Variants in AK8 observed in about 807,000 individuals in gnomAD.
AK8 encodes adenylate kinase 8.
In AK8, 44 loss-of-function variants were observed where a neutral mutation model predicts 54.6. The observed-to-expected ratio is 0.81, with a 90% CI of 0.63 to 1.04. The LOEUF (loss-of-function observed/expected upper bound fraction) is 1.04. AK8 is among the 50% of genes least tolerant of loss of function. AK8 has a pLI of 0.00. For missense variants in AK8, 555 were observed against 613.6 expected, an observed-to-expected ratio of 0.90 and a Z score of 1.01; for synonymous variants, 239 against 245.6, an observed-to-expected ratio of 0.97 and a Z score of 0.25.
chr9:132,871,600 A>C (rs1588241840), intron 2 of AK8, among the ~76,000 whole-genome samples: 1 of 151,728 alleles, frequency 6.6e-6, no homozygotes, highest in Non-Finnish European at 1.5e-5. Context: ...AGGAGGACAG[A>C]CCCCCCCGGC....
chr9:132,823,776 C>A (rs753764639), intron 8 of AK8, among the ~76,000 whole-genome samples: 11 of 152,222 alleles, frequency 7.2e-5, no homozygotes, highest in Non-Finnish European at 1.6e-4. Context: ...TAGAAGTGCA[C>A]GCTGGCTTTC....
intron 11 of AK8, among the ~76,000 whole-genome samples, chr9:132,754,803 T>G (rs1838108780): frequency 2.6e-5 from 4 of 151,304 alleles, no homozygotes; most frequent in Admixed American, 6.6e-5. Context: ...TTTTTTGGTT[T>G]TTTTTTTTTT....
intron 11 of AK8, among the ~76,000 whole-genome samples, chr9:132,789,845 C>T (rs547492372): frequency 6.6e-6 from 1 of 152,222 alleles, no homozygotes; most frequent in Admixed American, 6.5e-5. Context: ...TCTCTGACTT[C>T]CTCTTCTGCC....
At chr9:132,743,792 C>G (rs1837506748) in intron 11 of AK8, among the ~76,000 whole-genome samples, 1 of 152,210 alleles carries the variant, frequency 6.6e-6, no homozygotes, top group Admixed American at 6.5e-5. Flanking sequence ...GTACACGACC[C>G]CGGTACTGTG....
At chr9:132,788,059 A>G (rs1839790501) in intron 11 of AK8, among the ~76,000 whole-genome samples, 1 of 152,176 alleles carries the variant, frequency 6.6e-6, no homozygotes, top group African/African-American at 2.4e-5. Flanking sequence ...TGAAACTGAC[A>G]GATTACACAA....
At chr9:132,762,905 G>A (rs1056456975) in intron 11 of AK8, among the ~76,000 whole-genome samples, 1 of 152,128 alleles carries the variant, frequency 6.6e-6, no homozygotes, top group African/African-American at 2.4e-5. Context: ...AAAGAAAAAG[G>A]AAGGAAACAA....
At chr9:132,848,533 G>A (rs1564436813) in intron 5 of AK8, among the ~76,000 whole-genome samples, 1 of 152,078 alleles carries the variant, frequency 6.6e-6, no homozygotes, top group Non-Finnish European at 1.5e-5. Flanking sequence ...AGCCTAAGAC[G>A]GCCCCTCCAC....
intron 11 of AK8, among the ~76,000 whole-genome samples, chr9:132,729,349 C>A (rs1419727034): frequency 2.0e-5 from 3 of 152,156 alleles, no homozygotes; most frequent in Admixed American, 2.0e-4. Flanking sequence ...AATGATCTGG[C>A]CCCAAATGTC....
intron 11 of AK8, among the ~76,000 whole-genome samples, chr9:132,786,076 C>T (rs1220009230): frequency 6.6e-6 from 1 of 152,194 alleles, no homozygotes; most frequent in Non-Finnish European, 1.5e-5. Context: ...CGAGCTGAGG[C>T]GGCCTCAGAA....
intron 10 of AK8, among the ~76,000 whole-genome samples, chr9:132,807,611 C>A (rs1840783888): frequency 6.6e-6 from 1 of 152,134 alleles, no homozygotes; most frequent in Non-Finnish European, 1.5e-5. Context: ...GGCCCGGCAA[C>A]CTGGAAGTAG....
At chr9:132,779,082 G>A (rs1237347208) in intron 11 of AK8, among the ~76,000 whole-genome samples, 7 of 152,114 alleles carry the variant, frequency 4.6e-5, no homozygotes, top group Non-Finnish European at 1.0e-4. Context: ...AGGAAAGCAA[G>A]CAGGTCACCA....
In AK8 at chr9:132,863,692, T is replaced by G. The variant is rs1185994464; in HGVS notation, c.306A>C (p.Glu102Asp). 6.2e-7 allele frequency: 1 copy of G among 1,613,902 alleles called. No homozygotes were observed. Among genetic ancestry groups the G allele is most frequent in the South Asian group, 1.1e-5 (1 of 91,058 alleles). ...ILNEFSYTAT[E>D]ARRLYLQRKT... The stretch of plus-strand genomic sequence containing the variant: ...TCCTTTGCAGATAAAGCCTTCTGGC[T>G]TCGGTGGCCGTATAGGAAAACTCAT... The change falls in exon 4 of 13, where the codon GAA becomes GAC. Residue 102 changes from glutamate to aspartate, a missense_variant. By Grantham distance (45) the Glu-to-Asp change is conservative (BLOSUM62 2). Transcript: ENST00000298545.
intron 11 of AK8, chr9:132,769,963 T>C (rs1838886166): frequency 6.6e-6 from 1 of 152,186 alleles, no homozygotes; most frequent in South Asian, 2.1e-4. Context: ...TTAGACACGA[T>C]TTCCTCCATT....
At chr9:132,857,834 A>T (rs1264374452) in intron 4 of AK8, among the ~76,000 whole-genome samples, 1 of 151,994 alleles carries the variant, frequency 6.6e-6, no homozygotes, top group African/African-American at 2.4e-5. Flanking sequence ...GCTACTCCTG[A>T]GCGCCCCCCG....
chr9:132,736,487 C>T (rs1327452035), intron 11 of AK8, among the ~76,000 whole-genome samples: 4 of 149,310 alleles, frequency 2.7e-5, no homozygotes, highest in Non-Finnish European at 5.9e-5. Flanking sequence ...TGTGCCTGGC[C>T]AATCAGTCTT....
intron 10 of AK8, among the ~76,000 whole-genome samples, chr9:132,806,275 A>C (rs1220984289): frequency 6.6e-6 from 1 of 152,096 alleles, no homozygotes; most frequent in Non-Finnish European, 1.5e-5. Context: ...AGCTCTTCCC[A>C]ACTTATCTTC....
intron 10 of AK8, 101 bp from the exon 11 acceptor site, chr9:132,792,876 G>T: frequency 7.1e-7 from 1 of 1,406,210 alleles, no homozygotes. Context: ...CTGAAGAAGT[G>T]GGTCTAGGTG....
At position 132,770,357 on chromosome 9, in the gene AK8, A is replaced by T. The variant is rs1341848588; in HGVS notation, c.1121+22277T>A. 6.6e-6 allele frequency: 1 copy of T among 152,090 alleles called. No homozygotes were observed. The highest frequency in any genetic ancestry group is 1.5e-5 in the Non-Finnish European group (1 of 68,042). The allele number at this position is 152,090 out of a possible 1,614,324, so 9.4% of individuals were successfully genotyped here. On this transcript the variant is annotated intron_variant, in intron 11 of 12. Coordinates refer to ENST00000298545, the MANE Select transcript of AK8 (RefSeq NM_152572.3). The surrounding 1 kb of genome is among the most constrained non-coding windows in gnomAD (Gnocchi z 4.3). Reference sequence around the variant, plus strand: ...CCTCTGCTGCTTCCTCAGTGCCATGAGGACCGCGCTCGATGGCGTCCAGGG... The same window carrying T: ...CCTCTGCTGCTTCCTCAGTGCCATGTGGACCGCGCTCGATGGCGTCCAGGG...
intron 11 of AK8, among the ~76,000 whole-genome samples, chr9:132,743,562 A>C (rs1029949052): frequency 6.6e-6 from 1 of 152,194 alleles, no homozygotes. Flanking sequence ...ACCTATCTAT[A>C]TAAACGTGCT....
Sources: allele counts gnomAD v4.1 joint callset (sites outside exome capture counted in the v4.1 genomes callset), GRCh38; gene constraint gnomAD v4.1.1; non-coding constraint Gnocchi (gnomAD v3.1); transcripts MANE v1.5; gene names NCBI Gene and HGNC (gene_info 2026-07-23, HGNC 2026-07-21).